TRIM5: variants seen among roughly 807,000 people sequenced by gnomAD.
TRIM5 encodes the protein tripartite motif containing 5, also known as tripartite motif-containing protein 5.
Under a neutral mutation model 35.6 loss-of-function variants are expected in TRIM5, and 31 were observed. The observed-to-expected ratio is 0.87, with a 90% CI of 0.65 to 1.18. TRIM5 has a LOEUF of 1.18. Ranked by LOEUF, TRIM5 falls within the 50% of genes most tolerant of loss-of-function variation. TRIM5 has a pLI of 0.00. For missense variants in TRIM5, 609 were observed against 591.6 expected (o/e 1.03, Z -0.31); for synonymous variants, 243 against 215.6 (o/e 1.13, Z -1.11).
At position 5,680,179 on chromosome 11, in the gene TRIM5, G is replaced by C. The variant is rs3824949; in HGVS notation, c.-2C>G. On this transcript the variant is annotated 5_prime_UTR_variant, in exon 2 of 8. Coordinates refer to ENST00000380034, the MANE Select transcript of TRIM5 (RefSeq NM_033034.3). The stretch of plus-strand genomic sequence containing the variant: ...ATTAACCAGGATTCCAGAAGCCATA[G>C]TAGCTATTCCACTGCTCCTGCCTGT... 848,181 of 1,597,482 alleles carry C rather than the reference G, an allele frequency of 0.53. 231,342 individuals carry two copies. Among genetic ancestry groups the C allele is most frequent in the South Asian group, 0.59 (51,823 of 87,754 alleles).
chr11:5,596,432 G>A, the TRIM5 span, among the ~76,000 whole-genome samples: 2 of 136,984 alleles, frequency 1.5e-5, no homozygotes, highest in Non-Finnish European at 3.2e-5. Flanking sequence ...AGGCAGCTCT[G>A]GAAACTGCTT....
the TRIM5 span, among the ~76,000 whole-genome samples, chr11:5,651,904 A>G: frequency 3.9e-5 from 6 of 152,038 alleles, no homozygotes; most frequent in Non-Finnish European, 7.4e-5. Context: ...AGTGATGTTG[A>G]GCATTTTTTC....
chr11:5,610,162 T>C, the TRIM5 span: 4 of 1,614,048 alleles, frequency 2.5e-6, no homozygotes, highest in Middle Eastern at 1.6e-4. Context: ...TTCTGGACCC[T>C]GAGGAAGCCA....
rs148530183 is a variant in TRIM5 at position 5,679,941 on chromosome 11, C to T, written c.237G>A (p.Lys79=). The change falls in exon 2 of 8, where the codon AAG becomes AAA. Residue 79 remains lysine (K), a synonymous_variant. Coordinates refer to ENST00000380034, the MANE Select transcript of TRIM5 (RefSeq NM_033034.3). ...PNRHVANIVE[K]LREVKLSPEG... is the part of the protein sequence containing the mutation. Reference sequence around the variant, plus strand: ...CTGGGCTCAACTTGACCTCCCTGAGCTTCTCCACTATGTTGGCTACATGCC... The same window carrying T: ...CTGGGCTCAACTTGACCTCCCTGAGTTTCTCCACTATGTTGGCTACATGCC... 6.8e-6 allele frequency: 11 copies of T among 1,614,110 alleles called. No individual in the cohort carries two copies. The East Asian group carries it at 2.0e-4, about 29-fold the overall frequency.
At chr11:5,617,661 G>T in the TRIM5 span, among the ~76,000 whole-genome samples, 1 of 141,592 alleles carries the variant, frequency 7.1e-6, no homozygotes, top group Non-Finnish European at 1.5e-5. Context: ...TCTAATTTTT[G>T]TGTTTTTTAG....
rs1850987558 is a variant in TRIM5, at chr11:5,664,645, G to A, written c.*164C>T. 2 of 1,378,484 alleles carry A rather than the reference G, an allele frequency of 1.5e-6. No individual in the cohort carries two copies. Among genetic ancestry groups the A allele is most frequent in the South Asian group, 3.9e-5 (2 of 50,716 alleles). 85.4% of individuals were successfully genotyped at this position (1,378,484 alleles called of 1,614,324 possible). On this transcript the variant is annotated 3_prime_UTR_variant, in exon 8 of 8. Coordinates refer to ENST00000380034, the MANE Select transcript of TRIM5 (RefSeq NM_033034.3). ...TCAATAAAATATTGGGGACAATATG[G>A]CACAAGGCAATTATTACATTTTACT...
At chr11:5,659,017 G>A (rs904058800), downstream of TRIM5, among the ~76,000 whole-genome samples, 1 of 152,074 alleles carries the variant, frequency 6.6e-6, no homozygotes, top group Non-Finnish European at 1.5e-5. Context: ...TGGGCGCCTG[G>A]GGGAGGGATA....
chr11:5,633,278 G>A, the TRIM5 span, among the ~76,000 whole-genome samples: 1 of 150,758 alleles, frequency 6.6e-6, no homozygotes, highest in Non-Finnish European at 1.5e-5. Flanking sequence ...TGAGTCCCGT[G>A]ATCTTCTCCA....
chr11:5,656,902 G>A, the TRIM5 span, among the ~76,000 whole-genome samples: 1 of 152,138 alleles, frequency 6.6e-6, no homozygotes, highest in South Asian at 2.1e-4. Context: ...AGATAGTGTG[G>A]CGATTCCTCA....
At chr11:5,603,834 T>TA in the TRIM5 span, 1 of 1,485,270 alleles carries the variant, frequency 6.7e-7, no homozygotes, top group South Asian at 1.4e-5. Context: ...AGTCTTTATT[T>TA]ACCTAGAGAA....
chr11:5,641,522 A>G, the TRIM5 span, among the ~76,000 whole-genome samples: 1 of 152,154 alleles, frequency 6.6e-6, no homozygotes, highest in Non-Finnish European at 1.5e-5. Flanking sequence ...TTTATTTTAT[A>G]TGTGTTTGTC....
chr11:5,629,137 C>T, the TRIM5 span, among the ~76,000 whole-genome samples: 1 of 151,960 alleles, frequency 6.6e-6, no homozygotes, highest in Non-Finnish European at 1.5e-5. Context: ...ATTAGTTGGG[C>T]GTGGTGGCAT....
chr11:5,633,340 T>C, the TRIM5 span, among the ~76,000 whole-genome samples: 14 of 152,172 alleles, frequency 9.2e-5, no homozygotes, highest in East Asian at 1.4e-3. Context: ...TACACTCTTG[T>C]GTATTCCTTT....
At chr11:5,606,228 C>T in the TRIM5 span, among the ~76,000 whole-genome samples, 5 of 152,218 alleles carry the variant, frequency 3.3e-5, no homozygotes, top group African/African-American at 9.6e-5. Context: ...AATCATTTAA[C>T]ATACTGTAGC....
At chr11:5,629,694 C>T in the TRIM5 span, among the ~76,000 whole-genome samples, 2 of 152,072 alleles carry the variant, frequency 1.3e-5, no homozygotes, top group Non-Finnish European at 1.5e-5. Context: ...GTGAGCTCTC[C>T]GTGAGGATTC....
chr11:5,681,470 G>A, intron 1 of TRIM5, among the ~76,000 whole-genome samples: 1 of 152,126 alleles, frequency 6.6e-6, no homozygotes, highest in East Asian at 1.9e-4. Context: ...TATAACTAAG[G>A]TCTGAGTTTT....
the TRIM5 span, among the ~76,000 whole-genome samples, chr11:5,601,265 A>C: frequency 6.6e-6 from 1 of 152,208 alleles, no homozygotes; most frequent in South Asian, 2.1e-4. Flanking sequence ...GAAGCTTTGA[A>C]CTAGCACCCT....
At chr11:5,633,588 G>T in the TRIM5 span, among the ~76,000 whole-genome samples, 1 of 152,176 alleles carries the variant, frequency 6.6e-6, no homozygotes, top group African/African-American at 2.4e-5. Context: ...ACAGAATCAG[G>T]CTACTCCTTT....
the TRIM5 span, chr11:5,610,670 C>T: frequency 3.2e-6 from 5 of 1,566,856 alleles, no homozygotes; most frequent in East Asian, 2.2e-5. Context: ...CCCCCATCCC[C>T]GCCATATAGT....
Sources: gnomAD v4.1 joint callset for allele counts (sites outside exome capture counted in the v4.1 genomes callset) on GRCh38, gnomAD v4.1.1 for gene constraint, MANE v1.5 for transcripts, NCBI Gene and HGNC (gene_info 2026-07-23, HGNC 2026-07-21) for gene names.